The following PURG variants were observed in gnomAD, a reference collection of about 807,000 sequenced individuals.
The protein encoded by PURG is purine-rich element-binding protein gamma.
In PURG, 3 loss-of-function variants were observed where a neutral mutation model predicts 24.3. The ratio of observed to expected loss-of-function variants is 0.12; its 90% CI spans 0.06 to 0.32. The LOEUF is 0.32. PURG is among the 10% of genes least tolerant of loss of function. The pLI is 1.00. For missense variants in PURG, 371 were observed against 439.1 expected, an observed-to-expected ratio of 0.84 and a Z score of 1.39; for synonymous variants, 180 against 173.1, an observed-to-expected ratio of 1.04 and a Z score of -0.31.
chr8:31,023,962 AATG>A (rs1372791822), intron 1 of PURG, among the ~76,000 whole-genome samples: 1 of 152,236 alleles, frequency 6.6e-6, no homozygotes, highest in Non-Finnish European at 1.5e-5. Flanking sequence ...GAATATAAAA[AATG>A]ATTACAGAAT....
At position 31,016,592 on chromosome 8, in the gene PURG, A is replaced by C. The variant is rs1368796772; in HGVS notation, c.864+15327T>G. ...AGTCTACCAAGAACCAAAAAAAAAA[A>C]AAAAAAAAAAAAAAAAAGAAAGAAC... On this transcript the variant is annotated intron_variant, in intron 1 of 1. Transcript: ENST00000339382. Among the ~76,000 whole-genome samples, 188 of 141,774 alleles carry C rather than the reference A, an allele frequency of 1.3e-3. 4 individuals carry two copies. The highest frequency in any genetic ancestry group is 4.3e-3 in the African/African-American group (173 of 39,974). The allele number at this position is 141,774 out of a possible 152,430, so 93.0% of individuals were successfully genotyped here.
chr8:31,032,726 A>C lies in PURG; in HGVS notation c.57T>G (p.Asn19Lys), dbSNP rs1157965606. Residue 19 changes from asparagine (N) to lysine (K), a missense_variant, in exon 2 of 2, where the codon AAT becomes AAG. Asn to Lys is a moderately conservative substitution (Grantham distance 94). Around this residue, in one of 5 missense-constraint regions of PURG, gnomAD observed 213 missense variants for 230.6 expected, o/e 0.92. Coordinates refer to ENST00000523392, the MANE Select transcript of PURG (RefSeq NM_001323311.2). The surrounding 1 kb of genome is among the most constrained non-coding windows in gnomAD (Gnocchi z 5.9). The part of the protein sequence containing the change: ...GGGGRGRGGK[N>K]VGGSGLSKSR... ...TCTTGCTTAGGCCAGAGCCCCCTACATTCTTGCCTCCGCGGCCGCGGCCGC... is the reference window on the plus strand; with the variant it reads ...TCTTGCTTAGGCCAGAGCCCCCTACCTTCTTGCCTCCGCGGCCGCGGCCGC... 2.2e-6 allele frequency: 3 copies of C among 1,393,854 alleles called. No homozygotes were observed. Among genetic ancestry groups the C allele is most frequent in the Non-Finnish European group, 2.8e-6 (3 of 1,063,078 alleles). 86.3% of individuals were successfully genotyped at this position (1,393,854 alleles called of 1,614,324 possible).
chr8:31,010,489 A>G (rs1408929178), intron 1 of PURG, among the ~76,000 whole-genome samples: 4 of 152,218 alleles, frequency 2.6e-5, no homozygotes, highest in African/African-American at 9.6e-5. Flanking sequence ...GATGTGATGA[A>G]AGCAACAAAA....
At chr8:31,012,587 G>A (rs1312169610) in intron 1 of PURG, among the ~76,000 whole-genome samples, 1 of 152,178 alleles carries the variant, frequency 6.6e-6, no homozygotes, top group Non-Finnish European at 1.5e-5. Context: ...AAAGAAGAAA[G>A]TAGAAACTAA....
chr8:31,012,499 C>A (rs1000442036), intron 1 of PURG, among the ~76,000 whole-genome samples: 3 of 151,844 alleles, frequency 2.0e-5, no homozygotes, highest in African/African-American at 7.3e-5. Flanking sequence ...ATGAACCATG[C>A]CAAGAAGGAA....
chr8:31,017,396 C>A (rs1029841509), intron 1 of PURG, among the ~76,000 whole-genome samples: 4 of 144,838 alleles, frequency 2.8e-5, no homozygotes, highest in African/African-American at 7.3e-5. Context: ...ATTACACATA[C>A]TCTCTATAAG....
chr8:31,028,787 C>T (rs149181927), downstream of PURG, among the ~76,000 whole-genome samples: 238 of 151,956 alleles, frequency 1.6e-3, 1 homozygote, highest in African/African-American at 5.6e-3. Context: ...GAACCCGTTT[C>T]CAAATTTCAT....
chr8:31,010,029 C>T lies in PURG; in HGVS notation c.865-13332G>A, dbSNP rs146510196. ...GGAGGATCACTTAAGCCCCAGAAGT[C>T]AAGGCTGCAGTGAGCCGTCACTGCA... On this transcript the variant is annotated intron_variant, in intron 1 of 1. Coordinates refer to the PURG transcript ENST00000339382. 9.7e-3 allele frequency among the ~76,000 whole-genome samples: 1,478 copies of T among 151,962 alleles called. 9 individuals are homozygous for T. The highest frequency in any genetic ancestry group is 0.014 in the Non-Finnish European group (920 of 67,954).
intron 1 of PURG, among the ~76,000 whole-genome samples, chr8:30,999,869 G>A (rs1441358750): frequency 6.6e-6 from 1 of 151,832 alleles, no homozygotes; most frequent in South Asian, 2.1e-4. Flanking sequence ...ATACTATATA[G>A]TCAAAGCATT....
intron 1 of PURG, among the ~76,000 whole-genome samples, chr8:31,020,685 A>C (rs1810974009): frequency 6.6e-6 from 1 of 152,180 alleles, no homozygotes; most frequent in Non-Finnish European, 1.5e-5. Context: ...TGCTTGTTTC[A>C]AGATTTGTAA....
At chr8:31,028,891 G>C (rs942476029), downstream of PURG, among the ~76,000 whole-genome samples, 1 of 151,752 alleles carries the variant, frequency 6.6e-6, no homozygotes, top group Non-Finnish European at 1.5e-5. Flanking sequence ...ATTATACAGT[G>C]AACTAGTACT....
chr8:31,017,420 ATAT>A (rs1810895433), intron 1 of PURG, among the ~76,000 whole-genome samples: 1 of 151,910 alleles, frequency 6.6e-6, no homozygotes, highest in Non-Finnish European at 1.5e-5. Context: ...TTATATATCT[ATAT>A]CTATATCTAT....
At chr8:31,008,343 C>A (rs574461552) in intron 1 of PURG, among the ~76,000 whole-genome samples, 1 of 152,308 alleles carries the variant, frequency 6.6e-6, no homozygotes, top group Non-Finnish European at 1.5e-5. Flanking sequence ...TGTTGCCCAG[C>A]CTGGAGTGCA....
intron 1 of PURG, among the ~76,000 whole-genome samples, chr8:30,997,908 T>C (rs909487117): frequency 3.3e-5 from 5 of 151,728 alleles, no homozygotes; most frequent in Non-Finnish European, 7.4e-5. Context: ...TGATTTAAAT[T>C]TGATAGTTCA....
chr8:31,026,628 T>C (rs1811093978), downstream of PURG, among the ~76,000 whole-genome samples: 1 of 113,896 alleles, frequency 8.8e-6, no homozygotes, highest in Non-Finnish European at 1.8e-5. Context: ...ATCTGTATGT[T>C]TTAAAAAGAA....
downstream of PURG, among the ~76,000 whole-genome samples, chr8:31,029,435 A>G (rs1294979469): frequency 1.3e-5 from 2 of 151,864 alleles, no homozygotes; most frequent in South Asian, 2.1e-4. Flanking sequence ...TGAGTTAAAG[A>G]TATTTATCTT....
In PURG at chr8:31,032,735, T is replaced by C. The variant is rs1585373464; in HGVS notation, c.48A>G (p.Gly16=). ...RRGGGGGRGR[G]GKNVGGSGLS... is the part of the protein sequence containing the mutation. ...GGCCAGAGCCCCCTACATTCTTGCC[T>C]CCGCGGCCGCGGCCGCCGCCGCCTC... The change falls in exon 2 of 2, where the codon GGA becomes GGG. Residue 16 remains glycine, a synonymous_variant. Transcript: ENST00000523392. The surrounding 1 kb of genome is among the most constrained non-coding windows in gnomAD (Gnocchi z 5.9). 7.2e-7 allele frequency: 1 copy of C among 1,382,598 alleles called. No homozygotes were observed. Among genetic ancestry groups the C allele is most frequent in the Non-Finnish European group, 9.4e-7 (1 of 1,060,686 alleles). The allele number at this position is 1,382,598 out of a possible 1,614,324, so 85.6% of individuals were successfully genotyped here.
intron 1 of PURG, among the ~76,000 whole-genome samples, chr8:31,001,281 G>A (rs901790105): frequency 3.3e-5 from 5 of 152,260 alleles, no homozygotes; most frequent in East Asian, 3.9e-4. Flanking sequence ...CATAAATACT[G>A]AACATACCTA....
In PURG at chr8:31,031,436, T is replaced by C; in HGVS notation, c.*303A>G. 3.3e-6 allele frequency: 1 copy of C among 305,780 alleles called. No homozygotes were observed. Among genetic ancestry groups the C allele is most frequent in the Non-Finnish European group, 6.0e-6 (1 of 165,334 alleles). 18.9% of individuals were successfully genotyped at this position (305,780 alleles called of 1,614,324 possible). ...GGATTATGTCATAGTGCAATGTAAATCTTAGTTATGGTATTTAGAATGTCA... is the reference window on the plus strand; with the variant it reads ...GGATTATGTCATAGTGCAATGTAAACCTTAGTTATGGTATTTAGAATGTCA... On this transcript the variant is annotated 3_prime_UTR_variant, in exon 2 of 2. Transcript: ENST00000523392.
Sources: allele counts gnomAD v4.1 joint callset (sites outside exome capture counted in the v4.1 genomes callset), GRCh38; gene constraint gnomAD v4.1.1; regional missense constraint gnomAD v4.1.1; non-coding constraint Gnocchi (gnomAD v3.1); transcripts MANE v1.5; gene names NCBI Gene and HGNC (gene_info 2026-07-23, HGNC 2026-07-21).